Variants in PEPD observed in about 807,000 individuals in gnomAD.
PEPD encodes peptidase D, also known as xaa-Pro dipeptidase.
In PEPD, 53 loss-of-function variants were observed where a neutral mutation model predicts 60.7. The ratio of observed to expected loss-of-function variants is 0.87; its 90% confidence interval spans 0.70 to 1.10. The LOEUF is 1.10. PEPD is among the 50% of genes least tolerant of loss of function. PEPD has a pLI of 0.00. For synonymous variants in PEPD, 267 were observed against 284.1 expected (o/e 0.94, Z 0.60); for missense variants, 711 against 711.9 (o/e 1.00, Z 0.01).
At chr19:33,462,080 A>C (rs893969557) in intron 9 of PEPD, among the ~76,000 whole-genome samples, 1 of 152,182 alleles carries the variant, frequency 6.6e-6, no homozygotes, top group Non-Finnish European at 1.5e-5. Context: ...TCGGCCCTGC[A>C]CCCCACTGAT....
At chr19:33,489,188 G>A (rs1339055821) in intron 6 of PEPD, among the ~76,000 whole-genome samples, 1 of 152,188 alleles carries the variant, frequency 6.6e-6, no homozygotes, top group Non-Finnish European at 1.5e-5. Context: ...AAGGGGAACC[G>A]CTTCCCAAGC....
chr19:33,419,971 CAG>C (rs1319597706), intron 9 of PEPD, among the ~76,000 whole-genome samples: 3 of 152,244 alleles, frequency 2.0e-5, no homozygotes, highest in Non-Finnish European at 4.4e-5. Flanking sequence ...ACACAACAGA[CAG>C]GAGCAGCTCA....
intron 9 of PEPD, among the ~76,000 whole-genome samples, chr19:33,425,567 T>G (rs12459149): frequency 6.6e-6 from 1 of 152,216 alleles, no homozygotes; most frequent in Non-Finnish European, 1.5e-5. Flanking sequence ...AGTACCCCAC[T>G]AGCATATTTC....
At chr19:33,420,089 A>G (rs753561313) in intron 9 of PEPD, among the ~76,000 whole-genome samples, 6 of 152,274 alleles carry the variant, frequency 3.9e-5, no homozygotes, top group South Asian at 4.1e-4. Flanking sequence ...AACTGAGGAC[A>G]TAACATGACA....
intron 6 of PEPD, among the ~76,000 whole-genome samples, chr19:33,481,398 C>T (rs1025313526): frequency 1.6e-5 from 2 of 121,728 alleles, no homozygotes; most frequent in African/African-American, 7.4e-5. Flanking sequence ...AAAACCCCAT[C>T]TCTACGAAAA....
intron 9 of PEPD, among the ~76,000 whole-genome samples, chr19:33,419,271 C>T (rs1353106270): frequency 6.6e-6 from 1 of 152,228 alleles, no homozygotes; most frequent in African/African-American, 2.4e-5. Flanking sequence ...GACTACTCAG[C>T]TCCTGCCAGG....
At chr19:33,520,960 G>A (rs182213151) in intron 1 of PEPD, among the ~76,000 whole-genome samples, 2 of 152,304 alleles carry the variant, frequency 1.3e-5, no homozygotes, top group East Asian at 1.9e-4. Context: ...ACCAGCCCCA[G>A]GCATGCACCC....
chr19:33,499,868 T>C (rs1371861063), intron 4 of PEPD, among the ~76,000 whole-genome samples: 2 of 152,172 alleles, frequency 1.3e-5, no homozygotes, highest in Non-Finnish European at 2.9e-5. Context: ...GGCCCCCACA[T>C]GCTGGGCAGA....
intron 4 of PEPD, among the ~76,000 whole-genome samples, chr19:33,496,124 A>G (rs971167978): frequency 1.3e-5 from 2 of 152,194 alleles, no homozygotes; most frequent in African/African-American, 4.8e-5. Flanking sequence ...GTTGATGTGA[A>G]TGTTCTGCAT....
rs2145319858 is a variant in PEPD at position 33,387,458 on chromosome 19, C to G, written c.1368G>C (p.Val456=). 1.2e-6 allele frequency: 2 copies of G among 1,613,872 alleles called. No individual in the cohort carries two copies. Among genetic ancestry groups the G allele is most frequent in the Non-Finnish European group, 1.7e-6 (2 of 1,180,042 alleles). Residue 456 remains valine (V), a synonymous_variant, in exon 15 of 15, where the codon GTG becomes GTC. Coordinates refer to ENST00000244137, the MANE Select transcript of PEPD (RefSeq NM_000285.4). Reference sequence around the variant, plus strand: ...GCAGCTCTATGCCGCTGTCAGTCACCACGACGTCCTCCTCGATGCGGACCT... The same window carrying G: ...GCAGCTCTATGCCGCTGTCAGTCACGACGACGTCCTCCTCGATGCGGACCT... ...FGGVRIEEDV[V]VTDSGIELLT...
At chr19:33,391,668 T>A (rs190531026) in intron 12 of PEPD, among the ~76,000 whole-genome samples, 189 bp from the exon 13 acceptor site, 1 of 152,254 alleles carries the variant, frequency 6.6e-6, no homozygotes, top group East Asian at 1.9e-4. Flanking sequence ...GTGCTGGGCT[T>A]TCCCAGCAAA....
At chr19:33,401,642 T>A in intron 12 of PEPD, 79 bp downstream of exon 12, 1 of 1,341,882 alleles carries the variant, frequency 7.5e-7, no homozygotes, top group African/African-American at 1.4e-5. Context: ...TGCAGACCCG[T>A]TCCCTGCAGG....
At chr19:33,402,525 C>T (rs151220602) in intron 11 of PEPD, among the ~76,000 whole-genome samples, 142 of 152,310 alleles carry the variant, frequency 9.3e-4, no homozygotes, top group African/African-American at 3.3e-3. Context: ...GGGGTGTGCC[C>T]GACACTACCC....
At chr19:33,517,954 CAAA>C (rs74174669) in intron 1 of PEPD, among the ~76,000 whole-genome samples, 2 of 119,636 alleles carry the variant, frequency 1.7e-5, no homozygotes, top group Non-Finnish European at 1.8e-5. Flanking sequence ...GACTCCCTCT[CAAA>C]AAAAAAAAAA....
intron 7 of PEPD, among the ~76,000 whole-genome samples, chr19:33,474,408 A>G (rs1970179170): frequency 6.6e-6 from 1 of 152,264 alleles, no homozygotes; most frequent in Non-Finnish European, 1.5e-5. Context: ...ATACAGTGAC[A>G]TGTGTTAAGT....
rs757026392 is a variant in PEPD at position 33,411,655 on chromosome 19, C to A, written c.818+17G>T. The A allele has an allele frequency of 6.7e-7, 1 of 1,497,548 alleles. No individual in the cohort carries two copies. Among genetic ancestry groups the A allele is most frequent in the Non-Finnish European group, 9.3e-7 (1 of 1,074,788 alleles). 92.8% of individuals were successfully genotyped at this position (1,497,548 alleles called of 1,614,324 possible). A position where few individuals can be genotyped will look rare whatever the true frequency, so the allele number is the denominator to read the frequency against. On this transcript the variant is annotated intron_variant, in intron 11 of 14. Transcript: ENST00000244137. ...TGGCTGTTCACACACAGAGCCAGGG[C>A]CGCTGGCCCTACTTACCACATATCC...
At chr19:33,427,571 CA>C (rs1207808925) in intron 9 of PEPD, among the ~76,000 whole-genome samples, 1 of 152,216 alleles carries the variant, frequency 6.6e-6, no homozygotes, top group East Asian at 1.9e-4. Flanking sequence ...ATAACTCTTG[CA>C]AATTCAACTT....
At chr19:33,494,531 A>T (rs1452680558) in intron 4 of PEPD, among the ~76,000 whole-genome samples, 1 of 152,222 alleles carries the variant, frequency 6.6e-6, no homozygotes, top group Non-Finnish European at 1.5e-5. Context: ...AAAAACAGAG[A>T]TCTGTAATGA....
chr19:33,499,557 T>C (rs1970669854), intron 4 of PEPD, among the ~76,000 whole-genome samples: 1 of 152,056 alleles, frequency 6.6e-6, no homozygotes, highest in Admixed American at 6.5e-5. Flanking sequence ...GAACTGGACG[T>C]TCAAGACAAA....
Sources: allele counts gnomAD v4.1 joint callset (sites outside exome capture counted in the v4.1 genomes callset), GRCh38; gene constraint gnomAD v4.1.1; transcripts MANE v1.5; gene names NCBI Gene and HGNC (gene_info 2026-07-23, HGNC 2026-07-21).